Variants in DCAF8L2 observed in about 807,000 individuals in gnomAD.
DCAF8L2 encodes the protein DDB1 and CUL4 associated factor 8 like 2, also known as DDB1- and CUL4-associated factor 8-like protein 2.
For synonymous variants in DCAF8L2, 200 were observed against 190.9 expected (o/e 1.05, Z -0.39); for missense variants, 430 against 490.7 (o/e 0.88, Z 1.17).
At chrX:27,497,545 C>CT in the DCAF8L2 span, among the ~76,000 whole-genome samples, 513 of 76,910 alleles carry the variant, frequency 6.7e-3, 9 homozygotes, top group African/African-American at 0.036. Context: ...TCCTTCCTTC[C>CT]TTCCTTCTTT....
chrX:27,663,541 C>T (rs1282256948), intron 2 of DCAF8L2, among the ~76,000 whole-genome samples: 1 of 110,893 alleles, frequency 9.0e-6, no homozygotes. Context: ...CCACACACAA[C>T]AATATAAGAC....
the DCAF8L2 span, among the ~76,000 whole-genome samples, chrX:27,527,368 T>C: frequency 1.8e-5 from 2 of 112,160 alleles, no homozygotes; most frequent in East Asian, 2.8e-4. Flanking sequence ...GCTAAGACCA[T>C]TGGAAATGTG....
intron 2 of DCAF8L2, among the ~76,000 whole-genome samples, chrX:27,651,530 GA>G (rs1929151089): frequency 1.4e-5 from 1 of 74,072 alleles, no homozygotes; most frequent in Admixed American, 1.9e-4. Flanking sequence ...TTTTTTTTGA[GA>G]CGGAGTCTTG....
At chrX:27,720,401 C>T (rs1931855702) in intron 4 of DCAF8L2, among the ~76,000 whole-genome samples, 1 of 110,376 alleles carries the variant, frequency 9.1e-6, no homozygotes, top group African/African-American at 3.3e-5. Context: ...GAGTCTCGCT[C>T]TGTCGCCTAG....
chrX:27,518,629 C>T, the DCAF8L2 span, among the ~76,000 whole-genome samples: 2 of 110,793 alleles, frequency 1.8e-5, no homozygotes, highest in African/African-American at 6.6e-5. Flanking sequence ...ATCCCAGCTA[C>T]TCAGGAGGCT....
chrX:27,665,892 G>C (rs1349220445), intron 2 of DCAF8L2, among the ~76,000 whole-genome samples: 1 of 111,858 alleles, frequency 8.9e-6, no homozygotes, highest in Non-Finnish European at 1.9e-5. Flanking sequence ...CTACAGTGTA[G>C]TGTAAACATA....
chrX:27,537,874 A>G, the DCAF8L2 span, among the ~76,000 whole-genome samples: 7 of 112,329 alleles, frequency 6.2e-5, no homozygotes, highest in African/African-American at 2.3e-4. Context: ...TGAGAAATTG[A>G]TATGTATTAC....
At position 27,747,678 on chromosome X, in the gene DCAF8L2, G is replaced by A. The variant is rs745629856; in HGVS notation, c.783G>A (p.Arg261=). ...KVIVWDWVRQ[R]PVLNFESGHT... is the part of the protein sequence containing the mutation. ...TAGTGTGGGACTGGGTGCGGCAGAG[G>A]CCAGTACTGAACTTTGAAAGTGGTC... Residue 261 remains arginine (R), a synonymous_variant, in exon 5 of 5, where the codon AGG becomes AGA. Transcript: ENST00000451261. 10 of 1,209,168 alleles carry A rather than the reference G, an allele frequency of 8.3e-6. No homozygotes were observed. The East Asian group carries it at 1.2e-4, about 14-fold the overall frequency.
At chrX:27,642,712 C>T (rs1235156802) in intron 2 of DCAF8L2, among the ~76,000 whole-genome samples, 1 of 111,892 alleles carries the variant, frequency 8.9e-6, no homozygotes, top group Admixed American at 9.5e-5. Context: ...ACATTTATAT[C>T]CCCTAAAATT....
the DCAF8L2 span, among the ~76,000 whole-genome samples, chrX:27,497,543 TC>T: frequency 1.6e-3 from 139 of 87,383 alleles, 1 homozygote; most frequent in African/African-American, 7.0e-3. Context: ...CTTCCTTCCT[TC>T]CTTCCTTCTT....
the DCAF8L2 span, among the ~76,000 whole-genome samples, chrX:27,535,216 G>C: frequency 8.9e-6 from 1 of 111,733 alleles, no homozygotes; most frequent in African/African-American, 3.3e-5. Flanking sequence ...TTTATGCTCA[G>C]TCTTGATTAT....
the DCAF8L2 span, among the ~76,000 whole-genome samples, chrX:27,552,925 C>T: frequency 2.7e-5 from 3 of 111,780 alleles, no homozygotes; most frequent in Non-Finnish European, 5.7e-5. Context: ...TATTTCCATC[C>T]ATTTGTGTCT....
At chrX:27,518,238 G>C in the DCAF8L2 span, 1 of 872,570 alleles carries the variant, frequency 1.1e-6, no homozygotes, top group Non-Finnish European at 1.7e-6. Flanking sequence ...ATAATAAAGA[G>C]ATTCATAAGC....
rs780614019 is a variant in DCAF8L2 at position 27,747,349 on chromosome X, G to C, written c.454G>C (p.Gly152Arg). The C allele has an allele frequency of 1.1e-5, 13 of 1,159,821 alleles. No individual in the cohort carries two copies. The East Asian group carries it at 4.3e-4, about 38-fold the overall frequency. Reference sequence around the variant, plus strand: ...GGAGGAAGAAGAACAGCCTCGGGCGGGTCCACAAGGCAGTGGCGGCAACCA... The same window carrying C: ...GGAGGAAGAAGAACAGCCTCGGGCGCGTCCACAAGGCAGTGGCGGCAACCA... ...EEEEEEQPRA[G>R]PQGSGGNHEQ... The change falls in exon 5 of 5, where the codon GGT (glycine) becomes CGT (arginine). Residue 152 changes from glycine to arginine, a missense_variant. Physicochemically the swap from Gly to Arg is moderately radical, Grantham distance 125. Coordinates refer to ENST00000451261, the MANE Select transcript of DCAF8L2 (RefSeq NM_001353450.2).
chrX:27,612,130 C>G (rs1306547440), intron 1 of DCAF8L2, among the ~76,000 whole-genome samples: 1 of 111,538 alleles, frequency 9.0e-6, no homozygotes, highest in Non-Finnish European at 1.9e-5. Context: ...TTAATGATCA[C>G]CATTCTAACT....
chrX:27,497,509 TTTCCTTCCTTCCTTCC>T, the DCAF8L2 span, among the ~76,000 whole-genome samples: 5 of 46,527 alleles, frequency 1.1e-4, no homozygotes, highest in African/African-American at 3.8e-4. Flanking sequence ...TCTTTCTTTC[TTTCCTTCCTTCCTTCC>T]TTCCTTCCTT....
intron 1 of DCAF8L2, among the ~76,000 whole-genome samples, chrX:27,630,725 A>G (rs770719980): frequency 8.9e-6 from 1 of 112,090 alleles, no homozygotes; most frequent in African/African-American, 3.2e-5. Flanking sequence ...ACAAAATACC[A>G]TAGGTTGAGT....
At chrX:27,568,047 G>T in the DCAF8L2 span, among the ~76,000 whole-genome samples, 2 of 111,117 alleles carry the variant, frequency 1.8e-5, no homozygotes, top group South Asian at 7.5e-4. Flanking sequence ...TTTCTGGGAA[G>T]GTCAGATAAT....
chrX:27,664,597 T>A (rs2147216494), intron 2 of DCAF8L2, among the ~76,000 whole-genome samples: 1 of 112,229 alleles, frequency 8.9e-6, no homozygotes, highest in South Asian at 3.7e-4. Flanking sequence ...TAATGTAAAT[T>A]AAACAGCCTT....
Sources: gnomAD v4.1 joint callset for allele counts (sites outside exome capture counted in the v4.1 genomes callset) on GRCh38, gnomAD v4.1.1 for gene constraint, MANE v1.5 for transcripts, NCBI Gene and HGNC (gene_info 2026-07-23, HGNC 2026-07-21) for gene names.